The following TLN2 variants were observed in gnomAD, a reference collection of about 807,000 sequenced individuals.
TLN2 encodes the protein talin 2.
A neutral mutation model predicts 294.7 loss-of-function variants in TLN2; 118 were observed. The ratio of observed to expected loss-of-function variants is 0.40; its 90% confidence interval spans 0.34 to 0.47. The LOEUF (loss-of-function observed/expected upper bound fraction) is 0.47, where lower values mean the gene tolerates loss of function less well. Among genes scored for constraint, TLN2 ranks in the 20% least tolerant of loss-of-function variants. The pLI is 0.84. For synonymous variants in TLN2, 1,431 were observed against 1,304.5 expected (o/e 1.10, Z -2.09); for missense variants, 3,083 against 3,282.2 (o/e 0.94, Z 1.48).
chr15:62,471,893 G>T (rs2037495504), intron 1 of TLN2, among the ~76,000 whole-genome samples: 1 of 152,184 alleles, frequency 6.6e-6, no homozygotes. Context: ...AGGATGGGGG[G>T]CAGAGGCAGA....
At chr15:62,785,087 T>C (rs532880563) in intron 45 of TLN2, among the ~76,000 whole-genome samples, 1 of 152,358 alleles carries the variant, frequency 6.6e-6, no homozygotes, top group Non-Finnish European at 1.5e-5. Context: ...CTTAAGTCTC[T>C]AACAGTGCCT....
intron 44 of TLN2, among the ~76,000 whole-genome samples, chr15:62,781,563 AAG>A (rs1273116852): frequency 1.3e-5 from 2 of 152,178 alleles, no homozygotes; most frequent in South Asian, 4.1e-4. Flanking sequence ...GTTAAGGAGA[AAG>A]GGGGAGAATC....
chr15:62,835,255 A>C (rs187437792), intron 55 of TLN2: 28 of 174,742 alleles, frequency 1.6e-4, no homozygotes, highest in Non-Finnish European at 3.1e-4. Flanking sequence ...TCTGCACTCA[A>C]TTGTACCAGA....
chr15:62,413,831 G>A (rs1221049480), intron 1 of TLN2, among the ~76,000 whole-genome samples: 1 of 152,152 alleles, frequency 6.6e-6, no homozygotes, highest in East Asian at 1.9e-4. Flanking sequence ...TGACATTTAT[G>A]TTGCACAGTT....
intron 50 of TLN2, among the ~76,000 whole-genome samples, chr15:62,802,286 T>C (rs1035033402): frequency 6.6e-6 from 1 of 152,120 alleles, no homozygotes; most frequent in African/African-American, 2.4e-5. Flanking sequence ...TTGCTAATGA[T>C]AGGATCTCAT....
chr15:62,507,098 A>G (rs2039661106), intron 1 of TLN2, among the ~76,000 whole-genome samples: 2 of 152,324 alleles, frequency 1.3e-5, no homozygotes, highest in Admixed American at 1.3e-4. Context: ...GTTTTCCCCC[A>G]AAGAATTGAT....
chr15:62,612,040 TG>T (rs2047960415), intron 2 of TLN2, among the ~76,000 whole-genome samples: 1 of 152,164 alleles, frequency 6.6e-6, no homozygotes, highest in African/African-American at 2.4e-5. Flanking sequence ...GACTTCAAAT[TG>T]GGATACAGAC....
chr15:62,836,913 GCTT>G (rs2069710489), intron 57 of TLN2, among the ~76,000 whole-genome samples: 1 of 152,036 alleles, frequency 6.6e-6, no homozygotes, highest in South Asian at 2.1e-4. Context: ...TGAAGATAAG[GCTT>G]CATTAACTTC....
At chr15:62,694,549 C>G (rs1193930199) in intron 14 of TLN2, among the ~76,000 whole-genome samples, 157 bp downstream of exon 14, 1 of 152,180 alleles carries the variant, frequency 6.6e-6, no homozygotes, top group African/African-American at 2.4e-5. Context: ...CCCAGACCAG[C>G]AGCATTGAAG....
chr15:62,535,656 A>G (rs1470064265), intron 1 of TLN2, among the ~76,000 whole-genome samples: 1 of 151,850 alleles, frequency 6.6e-6, no homozygotes, highest in Non-Finnish European at 1.5e-5. Context: ...CCCAGGTTCA[A>G]GCAATTCTCC....
intron 9 of TLN2, among the ~76,000 whole-genome samples, chr15:62,659,106 T>C (rs551665111): frequency 6.6e-6 from 1 of 152,224 alleles, no homozygotes; most frequent in Non-Finnish European, 1.5e-5. Context: ...GGTTCCTATA[T>C]TGATGATGAT....
chr15:62,750,292 A>G, intron 33 of TLN2, 110 bp from the exon 34 acceptor site: 1 of 870,474 alleles, frequency 1.1e-6, no homozygotes, highest in Non-Finnish European at 1.9e-6. Flanking sequence ...AAAAGTGATC[A>G]TGACCAGAAA....
chr15:62,808,726 G>A (rs1269339794), intron 51 of TLN2, among the ~76,000 whole-genome samples: 1 of 152,182 alleles, frequency 6.6e-6, no homozygotes, highest in Non-Finnish European at 1.5e-5. Context: ...CTCACCGTTC[G>A]AGGCACAGGG....
chr15:62,492,059 T>C (rs1401124238), intron 1 of TLN2, among the ~76,000 whole-genome samples: 1 of 152,118 alleles, frequency 6.6e-6, no homozygotes, highest in African/African-American at 2.4e-5. Flanking sequence ...AATAAATTTA[T>C]GAGTAAGCTA....
Position 62,613,879 on chromosome 15 carries a change from A to G in TLN2, c.-161-4472A>G, listed in dbSNP as rs74394219. Among the ~76,000 whole-genome samples, 1,069 of 151,994 alleles carry G rather than the reference A, an allele frequency of 7.0e-3. 7 individuals carry two copies. The highest frequency in any genetic ancestry group is 0.014 in the South Asian group (68 of 4,812). The stretch of plus-strand genomic sequence containing the variant: ...AAAAAAAAAAAAAAGAGTGTATACT[A>G]TAGAGTTCCTTTTAAATAAAATTCT... On this transcript the variant is annotated intron_variant, in intron 2 of 58. Transcript: ENST00000636159.
At chr15:62,444,725 A>G (rs2035730428) in intron 1 of TLN2, among the ~76,000 whole-genome samples, 2 of 152,226 alleles carry the variant, frequency 1.3e-5, no homozygotes, top group African/African-American at 4.8e-5. Flanking sequence ...TTACTAGAAA[A>G]AGGCAGCAAG....
chr15:62,544,939 T>C (rs2041907004), intron 1 of TLN2, among the ~76,000 whole-genome samples: 1 of 152,138 alleles, frequency 6.6e-6, no homozygotes, highest in Non-Finnish European at 1.5e-5. Context: ...ACCTCACTTT[T>C]TTTTTTTTGA....
rs551108546 is a variant in TLN2, at chr15:62,741,162, T to C, written c.4025+393T>C. 2.6e-5 allele frequency among the ~76,000 whole-genome samples: 4 copies of C among 152,336 alleles called. No homozygotes were observed. The South Asian group carries it at 8.3e-4, about 32-fold the overall frequency. ...GCGTAAAGATGAAAAGCAGTGCTCA[T>C]CAAGTCATTCAGCAGACTTTTATTG... On this transcript the variant is annotated intron_variant, in intron 32 of 58. Coordinates refer to ENST00000636159, the MANE Select transcript of TLN2 (RefSeq NM_015059.3).
chr15:62,527,917 A>G (rs1165002700), intron 1 of TLN2, among the ~76,000 whole-genome samples: 3 of 152,222 alleles, frequency 2.0e-5, no homozygotes, highest in Non-Finnish European at 4.4e-5. Context: ...TTCTCTGTGT[A>G]TATTTAAAAG....
Sources: allele counts gnomAD v4.1 joint callset (sites outside exome capture counted in the v4.1 genomes callset), GRCh38; gene constraint gnomAD v4.1.1; transcripts MANE v1.5; gene names NCBI Gene and HGNC (gene_info 2026-07-23, HGNC 2026-07-21).